The following ADGRB3 variants were observed in gnomAD, a reference collection of about 807,000 sequenced individuals.
ADGRB3 encodes the protein brain-specific angiogenesis inhibitor 3.
In ADGRB3, 37 loss-of-function variants were observed where a neutral mutation model predicts 193.4. That is an observed-to-expected ratio of 0.19 (90% CI 0.15 to 0.25). ADGRB3 has a LOEUF of 0.25. Ranked by LOEUF, ADGRB3 falls within the 10% of genes least tolerant of loss-of-function variation. The pLI, the probability that ADGRB3 is intolerant of heterozygous loss-of-function variation, is 1.00. For missense variants in ADGRB3, 1,637 were observed against 1,852.9 expected (o/e 0.88, Z 2.14); for synonymous variants, 690 against 644.2 (o/e 1.07, Z -1.08).
chr6:68,720,339 C>A (rs1454536547), intron 3 of ADGRB3, among the ~76,000 whole-genome samples: 1 of 151,782 alleles, frequency 6.6e-6, no homozygotes, highest in Non-Finnish European at 1.5e-5. Context: ...GCACACCTCC[C>A]TGATCTGCAA....
chr6:69,206,681 A>G (rs1765547977), intron 17 of ADGRB3, among the ~76,000 whole-genome samples: 1 of 152,206 alleles, frequency 6.6e-6, no homozygotes, highest in East Asian at 1.9e-4. Flanking sequence ...CATGATAAAA[A>G]AGAAAAGAAA....
rs1369900776 is a variant in ADGRB3 at position 68,812,510 on chromosome 6, T to C, written c.758-118049T>C. The stretch of plus-strand genomic sequence containing the variant: ...ATAGTAACACTCTCTTAGTTATGTA[T>C]CCATTGTGCCTTGCTAATGTTACCA... On this transcript the variant is annotated intron_variant, in intron 3 of 31. Transcript: ENST00000370598. Among the ~76,000 whole-genome samples, 3 of 152,156 alleles carry C rather than the reference T, an allele frequency of 2.0e-5. No individual in the cohort carries two copies. In the East Asian group the frequency reaches 5.8e-4, roughly 29 times the overall value.
chr6:68,910,630 C>T (rs1766676279), intron 3 of ADGRB3, among the ~76,000 whole-genome samples: 1 of 152,194 alleles, frequency 6.6e-6, no homozygotes, highest in Non-Finnish European at 1.5e-5. Context: ...ATATGGCTAT[C>T]CAGTTTTCCC....
chr6:69,287,100 T>G (rs1767568566), intron 20 of ADGRB3, among the ~76,000 whole-genome samples: 1 of 152,186 alleles, frequency 6.6e-6, no homozygotes, highest in African/African-American at 2.4e-5. Context: ...CTTAAGTTGG[T>G]GTAAAGAAAA....
intron 17 of ADGRB3, among the ~76,000 whole-genome samples, chr6:69,094,734 TA>T (rs1156749918): frequency 1.3e-5 from 2 of 152,100 alleles, no homozygotes; most frequent in East Asian, 3.8e-4. Context: ...TTATATAAAA[TA>T]AAAAAATTAA....
In ADGRB3 at chr6:69,155,141, A is replaced by T. The variant is rs1774798509; in HGVS notation, c.2481-78149A>T. 1.3e-5 allele frequency among the ~76,000 whole-genome samples: 2 copies of T among 152,234 alleles called. 1 individual carries two copies. The highest frequency in any genetic ancestry group is 4.1e-4 in the South Asian group (2 of 4,836). ...CTTGAGAGCTAATTCTCATACAGCT[A>T]TTAACCTAAGGTGACAAATTGCCTC... On this transcript the variant is annotated intron_variant, in intron 17 of 31. Coordinates refer to ENST00000370598, the MANE Select transcript of ADGRB3 (RefSeq NM_001704.3).
At chr6:68,997,947 T>C (rs896431488) in intron 11 of ADGRB3, among the ~76,000 whole-genome samples, 1 of 152,154 alleles carries the variant, frequency 6.6e-6, no homozygotes, top group African/African-American at 2.4e-5. Flanking sequence ...TAATTCAGAA[T>C]GTGAGAGATT....
chr6:68,960,740 A>C (rs1768208461), intron 8 of ADGRB3, among the ~76,000 whole-genome samples: 1 of 152,122 alleles, frequency 6.6e-6, no homozygotes. Context: ...CCCAAACTTC[A>C]GTGTACATAG....
Position 69,284,310 on chromosome 6 carries a change from A to C in ADGRB3, c.2815-40562A>C, listed in dbSNP as rs570654672. Among the ~76,000 whole-genome samples, 90 of 152,152 alleles carry C rather than the reference A, an allele frequency of 5.9e-4. 1 individual carries two copies. The highest frequency in any genetic ancestry group is 2.1e-3 in the African/African-American group (88 of 41,510). On this transcript the variant is annotated intron_variant, in intron 20 of 31. Coordinates refer to ENST00000370598, the MANE Select transcript of ADGRB3 (RefSeq NM_001704.3). ...TGCACATAGTCATCGTATTTTTTCCACTACATTTGTAGTCCAGGCTTCCTC... is the reference window on the plus strand; with the variant it reads ...TGCACATAGTCATCGTATTTTTTCCCCTACATTTGTAGTCCAGGCTTCCTC...
intron 20 of ADGRB3, among the ~76,000 whole-genome samples, chr6:69,274,956 A>G (rs545888007): frequency 6.6e-6 from 1 of 152,236 alleles, no homozygotes; most frequent in South Asian, 2.1e-4. Flanking sequence ...AGGATTTTTC[A>G]TTTGGTGGAT....
At chr6:68,701,882 T>C (rs1052992132) in intron 3 of ADGRB3, among the ~76,000 whole-genome samples, 1 of 152,198 alleles carries the variant, frequency 6.6e-6, no homozygotes, top group Non-Finnish European at 1.5e-5. Context: ...TCCTAATTAC[T>C]CTTTAAAGAT....
At chr6:68,959,269 T>C (rs1265986231) in intron 8 of ADGRB3, among the ~76,000 whole-genome samples, 2 of 152,146 alleles carry the variant, frequency 1.3e-5, no homozygotes, top group Non-Finnish European at 2.9e-5. Flanking sequence ...TTGCTTCAAA[T>C]TTACACACTG....
intron 3 of ADGRB3, among the ~76,000 whole-genome samples, chr6:68,774,390 T>TG (rs1227879031): frequency 4.2e-5 from 6 of 143,974 alleles, no homozygotes; most frequent in Non-Finnish European, 9.2e-5. Context: ...TTTTTTTTGG[T>TG]GGGGGGAATA....
chr6:68,844,488 A>C (rs1228289564), intron 3 of ADGRB3, among the ~76,000 whole-genome samples: 1 of 152,214 alleles, frequency 6.6e-6, no homozygotes, highest in Non-Finnish European at 1.5e-5. Flanking sequence ...AAAGACAGGT[A>C]ATCACAAATG....
intron 23 of ADGRB3, chr6:69,331,762 G>A: frequency 1.0e-6 from 1 of 985,178 alleles, no homozygotes; most frequent in Non-Finnish European, 1.2e-6. Context: ...GTATATAATT[G>A]AAACACCAAA....
chr6:68,636,679 T>C (rs1767966704), intron 1 of ADGRB3, among the ~76,000 whole-genome samples: 1 of 152,178 alleles, frequency 6.6e-6, no homozygotes, highest in South Asian at 2.1e-4. Flanking sequence ...TGCGCTCTCT[T>C]GAGCAGGCAT....
At chr6:68,738,549 G>A (rs140021903) in intron 3 of ADGRB3, among the ~76,000 whole-genome samples, 152 of 152,220 alleles carry the variant, frequency 1.0e-3, no homozygotes, top group African/African-American at 2.1e-3. Flanking sequence ...GGAGAAGGTC[G>A]TGAAGATAAT....
At chr6:68,792,440 T>G (rs1373052611) in intron 3 of ADGRB3, among the ~76,000 whole-genome samples, 2 of 152,186 alleles carry the variant, frequency 1.3e-5, no homozygotes, top group African/African-American at 4.8e-5. Flanking sequence ...AGGTACTTAG[T>G]TTCTTGCTTA....
intron 6 of ADGRB3, among the ~76,000 whole-genome samples, chr6:68,950,747 T>C (rs950497631): frequency 6.6e-6 from 1 of 152,182 alleles, no homozygotes; most frequent in Admixed American, 6.6e-5. Context: ...TCCATGTTTT[T>C]TCTATGCCCA....
Sources: allele counts gnomAD v4.1 joint callset (sites outside exome capture counted in the v4.1 genomes callset), GRCh38; gene constraint gnomAD v4.1.1; transcripts MANE v1.5; gene names NCBI Gene and HGNC (gene_info 2026-07-23, HGNC 2026-07-21).